The following VAT1L variants were observed in gnomAD, a reference collection of about 807,000 sequenced individuals.
VAT1L encodes the protein vesicle amine transport 1 like, also known as putative NADPH-dependent quinone oxidoreductase VAT1L.
In VAT1L, 34 loss-of-function variants were observed where a neutral mutation model predicts 44.1. The ratio of observed to expected loss-of-function variants is 0.77; its 90% CI spans 0.59 to 1.03. VAT1L has a LOEUF of 1.03. Ranked by LOEUF, VAT1L falls within the 50% of genes least tolerant of loss-of-function variation. VAT1L has a pLI of 0.00. For synonymous variants in VAT1L, 253 were observed against 202.2 expected, an observed-to-expected ratio of 1.25 and a Z score of -2.13; for missense variants, 615 against 538.8, an observed-to-expected ratio of 1.14 and a Z score of -1.40.
intron 7 of VAT1L, among the ~76,000 whole-genome samples, chr16:77,946,276 G>GTTTTTTTTTTTT (rs1597114758): frequency 8.9e-5 from 3 of 33,860 alleles, no homozygotes; most frequent in African/African-American, 2.2e-4. Flanking sequence ...TAGGTTACTT[G>GTTTTTTTTTTTT]TTCTTTTTTT....
At chr16:77,962,739 A>AGAAAGAAGGAAGGAAGGAAGGAAG (rs1555523117) in intron 7 of VAT1L, among the ~76,000 whole-genome samples, 41 of 129,444 alleles carry the variant, frequency 3.2e-4, no homozygotes, top group African/African-American at 1.2e-3. Flanking sequence ...AAAGAAGGAA[A>AGAAAGAAGGAAGGAAGGAAGGAAG]GAAGGAAGGA....
At chr16:77,941,881 A>G (rs7198410) in intron 7 of VAT1L, among the ~76,000 whole-genome samples, 82,618 of 151,682 alleles carry the variant, frequency 0.54, 22,604 homozygotes, top group East Asian at 0.62. Flanking sequence ...AAACCACCAC[A>G]CCCAGCCTGC....
intron 3 of VAT1L, among the ~76,000 whole-genome samples, chr16:77,827,913 A>C (rs149366543): frequency 9.2e-5 from 14 of 152,294 alleles, no homozygotes; most frequent in African/African-American, 2.6e-4. Flanking sequence ...AAGAGCATCA[A>C]AGTAAAGCAA....
intron 3 of VAT1L, 82 bp from the exon 4 acceptor site, chr16:77,862,666 G>A: frequency 1.3e-5 from 13 of 981,728 alleles, no homozygotes; most frequent in South Asian, 3.8e-5. Flanking sequence ...TGCCGATGGA[G>A]AAATCCTGCT....
At chr16:77,897,089 C>A (rs910902630) in intron 7 of VAT1L, among the ~76,000 whole-genome samples, 1 of 152,178 alleles carries the variant, frequency 6.6e-6, no homozygotes, top group Admixed American at 6.5e-5. Context: ...ATATGTTAAT[C>A]ACAGATTCTT....
At chr16:77,802,615 A>AACAC (rs57906062) in intron 1 of VAT1L, among the ~76,000 whole-genome samples, 1,682 of 111,944 alleles carry the variant, frequency 0.015, 22 homozygotes, top group Non-Finnish European at 0.019. Flanking sequence ...CCCCATCTCA[A>AACAC]ACACACACAC....
intron 3 of VAT1L, among the ~76,000 whole-genome samples, chr16:77,842,639 G>C (rs1053202125): frequency 2.0e-5 from 3 of 152,164 alleles, no homozygotes; most frequent in African/African-American, 4.8e-5. Flanking sequence ...GCCAGGGGTA[G>C]GTAGTGATAA....
At chr16:77,789,215 G>C (rs1315539792) in intron 1 of VAT1L, among the ~76,000 whole-genome samples, 1 of 152,188 alleles carries the variant, frequency 6.6e-6, no homozygotes, top group South Asian at 2.1e-4. Flanking sequence ...CTCCGTCTGA[G>C]AGGACAACTC....
At position 77,969,192 on chromosome 16, in the gene VAT1L, C is replaced by T. The variant is rs571663728; in HGVS notation, c.1078-2658C>T. On this transcript the variant is annotated intron_variant, in intron 7 of 8. Transcript: ENST00000302536. ...ATATCGAGATATTGTTATCAGCACA[C>T]TCCCAAGTCTGGGTCTGTTTAGTAA... Among the ~76,000 whole-genome samples the T allele has an allele frequency of 4.1e-4, 63 of 152,332 alleles. No individual in the cohort carries two copies. In the South Asian group the frequency reaches 8.1e-3, roughly 20 times the overall value.
At chr16:77,839,273 C>T (rs1478880229) in intron 3 of VAT1L, among the ~76,000 whole-genome samples, 1 of 151,906 alleles carries the variant, frequency 6.6e-6, no homozygotes, top group Non-Finnish European at 1.5e-5. Context: ...CGATGGCTCA[C>T]GCCTGTAATC....
At chr16:77,844,001 G>T (rs1376926705) in intron 3 of VAT1L, among the ~76,000 whole-genome samples, 3 of 152,312 alleles carry the variant, frequency 2.0e-5, no homozygotes, top group Admixed American at 1.3e-4. Context: ...GGCATGCTAG[G>T]TATCTGGAAT....
intron 1 of VAT1L, among the ~76,000 whole-genome samples, chr16:77,803,520 G>A (rs933051171): frequency 6.7e-6 from 1 of 148,206 alleles, no homozygotes; most frequent in East Asian, 2.0e-4. Flanking sequence ...CCTGGGTTCA[G>A]GCCATTCTCC....
At position 77,971,889 on chromosome 16, in the gene VAT1L, A is replaced by G. The variant is rs1567526792; in HGVS notation, c.1117A>G (p.Ile373Val). 1 of 1,613,968 alleles carries G rather than the reference A, an allele frequency of 6.2e-7. No individual in the cohort carries two copies. Among genetic ancestry groups the G allele is most frequent in the Non-Finnish European group, 8.5e-7 (1 of 1,179,918 alleles). Residue 373 changes from isoleucine to valine, a missense_variant, in exon 8 of 9, where the codon ATT becomes GTT. By Grantham distance (29) the Ile-to-Val change is conservative. Coordinates refer to ENST00000302536, the MANE Select transcript of VAT1L (RefSeq NM_020927.3). ...GCAGCGGATTCACGACCGAGGGAAC[A>G]TTGGCAAGTTAATTCTGGATGTAGA... is the stretch of plus-strand genomic sequence containing the variant. ...AMQRIHDRGN[I>V]GKLILDVEKT...
At chr16:77,796,498 G>C (rs1290317671) in intron 1 of VAT1L, among the ~76,000 whole-genome samples, 1 of 152,242 alleles carries the variant, frequency 6.6e-6, no homozygotes, top group Non-Finnish European at 1.5e-5. Flanking sequence ...TTTGGGTTCA[G>C]ATCCTAACTC....
At chr16:77,931,193 T>C (rs1597104793) in intron 7 of VAT1L, among the ~76,000 whole-genome samples, 1 of 152,314 alleles carries the variant, frequency 6.6e-6, no homozygotes, top group Middle Eastern at 3.4e-3. Context: ...ATAAACTTTC[T>C]TTCATTGAAC....
chr16:77,943,827 G>C (rs2017924183), intron 7 of VAT1L, among the ~76,000 whole-genome samples: 1 of 152,208 alleles, frequency 6.6e-6, no homozygotes, highest in Non-Finnish European at 1.5e-5. Context: ...GCATGTGGCA[G>C]TTATTAGGAT....
intron 2 of VAT1L, among the ~76,000 whole-genome samples, chr16:77,818,824 A>G (rs1224453373): frequency 6.6e-6 from 1 of 152,186 alleles, no homozygotes; most frequent in African/African-American, 2.4e-5. Context: ...GAAAACTGAC[A>G]CTAGTATTCC....
chr16:77,859,377 T>G (rs141439978), intron 3 of VAT1L, among the ~76,000 whole-genome samples: 100 of 152,166 alleles, frequency 6.6e-4, no homozygotes, highest in African/African-American at 2.4e-3. Context: ...TCATGGCAAA[T>G]GCTAACTGTG....
At chr16:77,977,192 C>G (rs1597130958) in intron 8 of VAT1L, among the ~76,000 whole-genome samples, 2 of 152,156 alleles carry the variant, frequency 1.3e-5, no homozygotes, top group African/African-American at 4.8e-5. Context: ...AGCCCTTAGC[C>G]ATAACATGGC....
Sources: allele counts gnomAD v4.1 joint callset (sites outside exome capture counted in the v4.1 genomes callset), GRCh38; gene constraint gnomAD v4.1.1; transcripts MANE v1.5; gene names NCBI Gene and HGNC (gene_info 2026-07-23, HGNC 2026-07-21).